Variants in NINL observed in about 807,000 individuals in gnomAD.
The protein encoded by NINL is ninein-like protein.
A neutral mutation model predicts 160.3 loss-of-function variants in NINL; 153 were observed. The observed-to-expected ratio is 0.95, with a 90% CI of 0.84 to 1.09. The LOEUF is 1.09. Among genes scored for constraint, NINL ranks in the 50% least tolerant of loss-of-function variants. The probability of loss-of-function intolerance (pLI) is 0.00; values close to 1 mark genes in which losing one functional copy is unlikely to be tolerated. For missense variants in NINL, 1,829 were observed against 1,764.0 expected, an observed-to-expected ratio of 1.04 and a Z score of -0.66; for synonymous variants, 800 against 734.8, an observed-to-expected ratio of 1.09 and a Z score of -1.43.
intron 21 of NINL, among the ~76,000 whole-genome samples, chr20:25,460,612 A>G (rs2146315439): frequency 6.6e-6 from 1 of 152,312 alleles, no homozygotes; most frequent in East Asian, 1.9e-4. Flanking sequence ...AAATAGGCAG[A>G]GCACCTCTGG....
At chr20:25,539,588 C>A (rs2064627266) in intron 1 of NINL, among the ~76,000 whole-genome samples, 1 of 152,246 alleles carries the variant, frequency 6.6e-6, no homozygotes, top group African/African-American at 2.4e-5. Flanking sequence ...CATGTATGTA[C>A]AGGTGCCCAG....
In NINL at chr20:25,462,363, C is replaced by T; in HGVS notation, c.3582+20G>A. On this transcript the variant is annotated intron_variant, in intron 20 of 23. Coordinates refer to ENST00000278886, the MANE Select transcript of NINL (RefSeq NM_025176.6). ...AGCTCCCAGCCTCCAGCTCAGCTCCCTGCGGCTGAGGCCACCCACCTGCTG... is the reference window on the plus strand; with the variant it reads ...AGCTCCCAGCCTCCAGCTCAGCTCCTTGCGGCTGAGGCCACCCACCTGCTG... The T allele has an allele frequency of 2.7e-6, 3 of 1,128,886 alleles. No homozygotes were observed. The highest frequency in any genetic ancestry group is 3.4e-6 in the Non-Finnish European group (3 of 881,078). The allele number at this position is 1,128,886 out of a possible 1,614,324, so 69.9% of individuals were successfully genotyped here. A position where few individuals can be genotyped will look rare whatever the true frequency, so the allele number is the denominator to read the frequency against.
chr20:25,476,622 C>A lies in NINL; in HGVS notation c.2669G>T (p.Ser890Ile). Reference sequence around the variant, plus strand: ...TGCCGGGGCAGGGGCGGGGGCCGGGCTCTGCGTAGCTTCTGTGTCCTGGGC... The same window carrying A: ...TGCCGGGGCAGGGGCGGGGGCCGGGATCTGCGTAGCTTCTGTGTCCTGGGC... ...RQAQDTEATQ[S>I]PAPAPAPASH... Residue 890 changes from serine (S) to isoleucine (I), a missense_variant, in exon 17 of 24, where the codon AGC becomes ATC. By Grantham distance (142) the Ser-to-Ile change is moderately radical. Transcript: ENST00000278886. 6.3e-7 allele frequency: 1 copy of A among 1,592,214 alleles called. No individual in the cohort carries two copies. The highest frequency in any genetic ancestry group is 8.5e-7 in the Non-Finnish European group (1 of 1,176,214).
In NINL at chr20:25,476,048, G is replaced by A. The variant is rs144098143; in HGVS notation, c.3243C>T (p.Asn1081=). The stretch of plus-strand genomic sequence containing the variant: ...AGAATGAGTAGAAGGCAAACCTGTC[G>A]TTCTCTCTCAAATCTACATGTTTCT... ...ALEKHVDLRE[N]DRLEFHRLSE... Residue 1081 remains asparagine (N), a synonymous_variant, in exon 17 of 24, where the codon AAC becomes AAT. Transcript: ENST00000278886. 1.7e-5 allele frequency: 27 copies of A among 1,612,640 alleles called. No homozygotes were observed. Among genetic ancestry groups the A allele is most frequent in the South Asian group, 5.5e-5 (5 of 90,872 alleles).
intron 10 of NINL, among the ~76,000 whole-genome samples, chr20:25,493,902 G>A (rs972327146): frequency 2.0e-5 from 3 of 152,074 alleles, no homozygotes; most frequent in Non-Finnish European, 2.9e-5. Context: ...CTGGCTTTTC[G>A]CCTCACCAGA....
At chr20:25,489,825 G>T in intron 12 of NINL, 50 bp downstream of exon 12, 4 of 1,496,926 alleles carry the variant, frequency 2.7e-6, no homozygotes, top group Non-Finnish European at 3.7e-6. Flanking sequence ...CCCCCACTCT[G>T]CCCAGCAGGC....
intron 1 of NINL, among the ~76,000 whole-genome samples, chr20:25,561,287 C>G (rs1012636217): frequency 4.6e-5 from 7 of 152,204 alleles, no homozygotes; most frequent in Admixed American, 2.6e-4. Flanking sequence ...GATCCGCCAG[C>G]CTCGGCCTCC....
rs531245514 is a variant in NINL, at chr20:25,522,630, A to G, written c.180+3778T>C. On this transcript the variant is annotated intron_variant, in intron 2 of 23. Coordinates refer to ENST00000278886, the MANE Select transcript of NINL (RefSeq NM_025176.6). ...ATACTAAACGAATGATGAAATTGCA[A>G]TTTTGCTCATTCTAATCACAGATTC... 6.6e-5 allele frequency among the ~76,000 whole-genome samples: 10 copies of G among 152,302 alleles called. No individual in the cohort carries two copies. The East Asian group carries it at 1.9e-3, about 29-fold the overall frequency.
rs185802424 is a variant in NINL, at chr20:25,471,402, A to G, written c.3249-1307T>C. Among the ~76,000 whole-genome samples, 3 of 152,332 alleles carry G rather than the reference A, an allele frequency of 2.0e-5. No homozygotes were observed. The East Asian group carries it at 5.8e-4, about 29-fold the overall frequency. On this transcript the variant is annotated intron_variant, in intron 17 of 23. Coordinates refer to ENST00000278886, the MANE Select transcript of NINL (RefSeq NM_025176.6). ...TAGTCACTGGAATTAAAGGCAGCAA[A>G]GGGTTTCAAGCAGGAGAGTTCTGTG...
At chr20:25,547,615 GTGGTGTGGAAAGACCACGTT>G (rs749544904) in intron 1 of NINL, among the ~76,000 whole-genome samples, 49 of 152,310 alleles carry the variant, frequency 3.2e-4, no homozygotes, top group Non-Finnish European at 6.0e-4. Flanking sequence ...GGAGAATTAC[GTGGTGTGGAAAGACCACGTT>G]TGGTGTTAGA....
Position 25,477,104 on chromosome 20 carries a change from C to A in NINL, c.2202-15G>T. On this transcript the variant is annotated splice_polypyrimidine_tract_variant and intron_variant, in intron 16 of 23. Transcript: ENST00000278886. ...CAGCCTCTCTCCTGTGGAAGTAGAA[C>A]CGTCACACACCACAGCCCTGCCGCC... 1.3e-6 allele frequency: 2 copies of A among 1,576,358 alleles called. No homozygotes were observed. The highest frequency in any genetic ancestry group is 1.7e-6 in the Non-Finnish European group (2 of 1,169,026).
Position 25,455,748 on chromosome 20 carries a change from C to G in NINL, c.3882G>C (p.Arg1294=). 6 of 1,614,178 alleles carry G rather than the reference C, an allele frequency of 3.7e-6. No homozygotes were observed. Among genetic ancestry groups the G allele is most frequent in the Non-Finnish European group, 5.1e-6 (6 of 1,180,012 alleles). ...TCAGAATCATCTCCGCCTCTTCCACCCGCTCTTCTGTGGCTTTCAGCTGTT... is the reference window on the plus strand; with the variant it reads ...TCAGAATCATCTCCGCCTCTTCCACGCGCTCTTCTGTGGCTTTCAGCTGTT... ...HEKQLKATEE[R]VEEAEMILKN... The change falls in exon 23 of 24, where the codon CGG becomes CGC. Residue 1294 remains arginine (R), a synonymous_variant. Coordinates refer to ENST00000278886, the MANE Select transcript of NINL (RefSeq NM_025176.6).
Position 25,496,662 on chromosome 20 carries a change from C to T in NINL, c.1310+1G>A. ...ATCCACCACCTGGGCCCAGAACCCA[C>T]TTGATTTTCTTCTCCGTGAGCTGCT... is the stretch of plus-strand genomic sequence containing the variant. On this transcript the variant is annotated splice_donor_variant, in intron 10 of 23. Coordinates refer to ENST00000278886, the MANE Select transcript of NINL (RefSeq NM_025176.6). LOFTEE classifies it high-confidence loss of function. 1.2e-6 allele frequency: 2 copies of T among 1,613,958 alleles called. No individual in the cohort carries two copies. Among genetic ancestry groups the T allele is most frequent in the Non-Finnish European group, 1.7e-6 (2 of 1,179,970 alleles).
At chr20:25,570,694 CTTTTT>C (rs57981279) in intron 1 of NINL, among the ~76,000 whole-genome samples, 6,680 of 90,448 alleles carry the variant, frequency 0.074, 177 homozygotes, top group African/African-American at 0.17. Context: ...GGCAAGTAGA[CTTTTT>C]TTTTTTTTTT....
chr20:25,491,999 C>T (rs1478597453), intron 10 of NINL, among the ~76,000 whole-genome samples: 1 of 152,228 alleles, frequency 6.6e-6, no homozygotes, highest in Admixed American at 6.5e-5. Flanking sequence ...CTGCTACATT[C>T]ATCTTTTACA....
Position 25,575,895 on chromosome 20 carries a change from C to T in NINL, c.-12+9560G>A, listed in dbSNP as rs775975872. ...TCATTTTCTCTCCCTCACTTCCTCC[C>T]TCCCTCCATATCATCTATCTACCCC... On this transcript the variant is annotated intron_variant, in intron 1 of 23. Transcript: ENST00000278886. Among the ~76,000 whole-genome samples the T allele has an allele frequency of 9.2e-5, 14 of 152,178 alleles. No individual in the cohort carries two copies. In the South Asian group the frequency reaches 1.5e-3, roughly 16 times the overall value.
intron 1 of NINL, among the ~76,000 whole-genome samples, chr20:25,561,361 T>A (rs1669883694): frequency 6.6e-6 from 1 of 151,906 alleles, no homozygotes; most frequent in South Asian, 2.1e-4. Context: ...CAGGCTGGAG[T>A]GCAGTGGTGT....
intron 15 of NINL, 122 bp from the exon 16 acceptor site, chr20:25,479,328 G>T: frequency 1.5e-6 from 2 of 1,293,314 alleles, no homozygotes; most frequent in Non-Finnish European, 2.1e-6. Context: ...CTGGCCTGCC[G>T]AGGTGCCAGG....
chr20:25,532,781 A>G (rs1444504389), intron 1 of NINL, among the ~76,000 whole-genome samples: 1 of 152,172 alleles, frequency 6.6e-6, no homozygotes, highest in African/African-American at 2.4e-5. Flanking sequence ...CCTATCCAAG[A>G]CAATATCCAG....
Sources: gnomAD v4.1 joint callset for allele counts (sites outside exome capture counted in the v4.1 genomes callset) on GRCh38, gnomAD v4.1.1 for gene constraint, MANE v1.5 for transcripts, NCBI Gene and HGNC (gene_info 2026-07-23, HGNC 2026-07-21) for gene names.